The following NDUFB4 variants were observed in gnomAD, a reference collection of about 807,000 sequenced individuals.
The protein encoded by NDUFB4 is NADH dehydrogenase [ubiquinone] 1 beta subcomplex subunit 4.
NDUFB4 carries 10 observed loss-of-function variants against 14.5 expected under a neutral mutation model. The observed-to-expected ratio is 0.69, with a 90% CI of 0.43 to 1.17. The LOEUF (loss-of-function observed/expected upper bound fraction) is 1.17, where lower values mean the gene tolerates loss of function less well. NDUFB4 is among the 50% of genes most tolerant of loss of function. The pLI is 0.00. For synonymous variants in NDUFB4, 65 were observed against 63.4 expected (o/e 1.03, Z -0.12); for missense variants, 165 against 161.1 (o/e 1.02, Z -0.13).
chr3:120,596,381 C>A lies in NDUFB4; in HGVS notation c.22C>A (p.Pro8Thr), dbSNP rs540264937. 12 of 1,614,190 alleles carry A rather than the reference C, an allele frequency of 7.4e-6. No individual in the cohort carries two copies. The South Asian group carries it at 9.9e-5, about 13-fold the overall frequency. The part of the protein sequence containing the change: MSFPKYK[P>T]SSLRTLPETL... ...CAAGATGTCGTTCCCAAAGTATAAGCCGTCGAGCCTGCGCACTCTGCCTGA... is the reference window on the plus strand; with the variant it reads ...CAAGATGTCGTTCCCAAAGTATAAGACGTCGAGCCTGCGCACTCTGCCTGA... The change falls in exon 1 of 3, where the codon CCG (proline) becomes ACG (threonine). Residue 8 changes from proline to threonine, a missense_variant. Pro to Thr is a conservative substitution (Grantham distance 38). Coordinates refer to ENST00000184266, the MANE Select transcript of NDUFB4 (RefSeq NM_004547.6).
At chr3:120,601,503 T>C in intron 2 of NDUFB4, 2 of 1,369,816 alleles carry the variant, frequency 1.5e-6, no homozygotes, top group South Asian at 3.6e-5. Flanking sequence ...TTTATTGGGT[T>C]AAGTATTAGC....
Position 120,602,363 on chromosome 3 carries a change from C to A in NDUFB4, c.*93C>A. The A allele has an allele frequency of 2.4e-6, 3 of 1,250,238 alleles. No individual in the cohort carries two copies. The highest frequency in any genetic ancestry group is 2.3e-6 in the Non-Finnish European group (2 of 888,786). The allele number at this position is 1,250,238 out of a possible 1,614,324, so 77.4% of individuals were successfully genotyped here. ...TCTCTTTCTTAGTATTACCTTGATT[C>A]AATGTTAAAAACTATTAACACCCTA... On this transcript the variant is annotated 3_prime_UTR_variant, in exon 3 of 3. Coordinates refer to ENST00000184266, the MANE Select transcript of NDUFB4 (RefSeq NM_004547.6).
intron 1 of NDUFB4, among the ~76,000 whole-genome samples, chr3:120,599,721 CTG>C (rs1421625232): frequency 6.6e-6 from 1 of 152,046 alleles, no homozygotes; most frequent in Non-Finnish European, 1.5e-5. Context: ...AATGAAATGT[CTG>C]TTTCTGGAAG....
chr3:120,596,594 G>C, intron 1 of NDUFB4, 55 bp downstream of exon 1: 1 of 1,572,170 alleles, frequency 6.4e-7, no homozygotes, highest in Non-Finnish European at 8.7e-7. Flanking sequence ...GAGAGACCGA[G>C]AGAGACCACG....
At chr3:120,599,955 A>C (rs6438586) in intron 1 of NDUFB4, among the ~76,000 whole-genome samples, 20,562 of 151,612 alleles carry the variant, frequency 0.14, 2,385 homozygotes, top group African/African-American at 0.32. Context: ...GCTGCAGAAC[A>C]CTTGCATGTG....
intron 1 of NDUFB4, among the ~76,000 whole-genome samples, chr3:120,597,962 T>C (rs1487645874): frequency 6.6e-6 from 1 of 152,132 alleles, no homozygotes; most frequent in Admixed American, 6.6e-5. Context: ...TAAATAGAGG[T>C]AATACTACCA....
intron 1 of NDUFB4, among the ~76,000 whole-genome samples, chr3:120,599,008 A>T (rs1940013197): frequency 6.6e-6 from 1 of 152,166 alleles, no homozygotes; most frequent in African/African-American, 2.4e-5. Context: ...GTTGATTACC[A>T]GGGTGGTGGC....
At chr3:120,597,102 G>A (rs1019308094) in intron 1 of NDUFB4, among the ~76,000 whole-genome samples, 11 of 145,320 alleles carry the variant, frequency 7.6e-5, no homozygotes, top group Non-Finnish European at 1.5e-4. Flanking sequence ...AAGAGCTGGT[G>A]TTTACCTTTC....
At chr3:120,602,012 G>GTT (rs1176020985) in intron 2 of NDUFB4, 196 bp from the exon 3 acceptor site, 1 of 1,327,742 alleles carries the variant, frequency 7.5e-7, no homozygotes, top group Non-Finnish European at 9.6e-7. Flanking sequence ...TCGGATTACT[G>GTT]TTTCTTCGCA....
At position 120,601,241 on chromosome 3, in the gene NDUFB4, T is replaced by C; in HGVS notation, c.311T>C (p.Ile104Thr). ...GFGPLIFIYY[I>T]IKTERDRKEK... ...GGGCCCCTCATCTTCATTTATTATA[T>C]TATCAAAACTGAGAGGGTAAGTATT... Residue 104 changes from isoleucine (I) to threonine (T), a missense_variant, in exon 2 of 3, where the codon ATT becomes ACT. Transcript: ENST00000184266. The C allele has an allele frequency of 1.2e-6, 2 of 1,614,106 alleles. No individual in the cohort carries two copies. The highest frequency in any genetic ancestry group is 1.1e-5 in the South Asian group (1 of 91,052).
chr3:120,600,781 G>A (rs1282660108), intron 1 of NDUFB4, among the ~76,000 whole-genome samples: 1 of 152,216 alleles, frequency 6.6e-6, no homozygotes, highest in Non-Finnish European at 1.5e-5. Context: ...GAGAAGAATA[G>A]ATGAAAATGA....
Position 120,596,355 on chromosome 3 carries a change from C to G in NDUFB4, c.-5C>G. The G allele has an allele frequency of 6.2e-7, 1 of 1,613,984 alleles. No individual in the cohort carries two copies. The highest frequency in any genetic ancestry group is 1.3e-5 in the African/African-American group (1 of 75,062). The stretch of plus-strand genomic sequence containing the variant: ...GCAGGCGCAATTGTGCCCTGGTTCG[C>G]CAAGATGTCGTTCCCAAAGTATAAG... On this transcript the variant is annotated 5_prime_UTR_variant, in exon 1 of 3. Transcript: ENST00000184266.
rs1576270782 is a variant in NDUFB4, at chr3:120,596,385, C to T, written c.26C>T (p.Ser9Leu). MSFPKYKPSSLRTLPETLD... is the reference protein window; with the variant it reads MSFPKYKPLSLRTLPETLD... The stretch of plus-strand genomic sequence containing the variant: ...ATGTCGTTCCCAAAGTATAAGCCGT[C>T]GAGCCTGCGCACTCTGCCTGAGACC... The change falls in exon 1 of 3, where the codon TCG becomes TTG. Residue 9 changes from serine (S) to leucine (L), a missense_variant. Coordinates refer to ENST00000184266, the MANE Select transcript of NDUFB4 (RefSeq NM_004547.6). 1.9e-6 allele frequency: 3 copies of T among 1,614,168 alleles called. No homozygotes were observed. The East Asian group carries it at 6.7e-5, about 36-fold the overall frequency.
At chr3:120,599,519 G>C (rs984017986) in intron 1 of NDUFB4, among the ~76,000 whole-genome samples, 11 of 152,106 alleles carry the variant, frequency 7.2e-5, no homozygotes, top group Non-Finnish European at 1.3e-4. Flanking sequence ...ATCCAAGCAG[G>C]TGTGGGCCTG....
rs780399215 is a variant in NDUFB4, at chr3:120,602,217, GA to G, written c.342del (p.Lys114AsnfsTer36). On this transcript the variant is annotated frameshift_variant, in exon 3 of 3. Transcript: ENST00000184266. LOFTEE classifies it high-confidence loss of function. Reference sequence around the variant, plus strand: ...TTTTCTGTCTTTACAGGATAGGAAAGAAAAACTTATCCAGGAAGGAAAATTG... The same window carrying G: ...TTTTCTGTCTTTACAGGATAGGAAAGAAAACTTATCCAGGAAGGAAAATTG... ...YIIKTERDRK[E>X]KLIQEGKLDR... 1 of 1,611,036 alleles carries G rather than the reference GA, an allele frequency of 6.2e-7. No homozygotes were observed. The highest frequency in any genetic ancestry group is 2.2e-5 in the East Asian group (1 of 44,816).
chr3:120,596,792 C>T (rs1310812520), intron 1 of NDUFB4: 3 of 523,524 alleles, frequency 5.7e-6, no homozygotes, highest in Non-Finnish European at 6.9e-6. Flanking sequence ...GAACGTTATT[C>T]ACTCTGCTTA....
Position 120,602,379 on chromosome 3 carries a change from T to G in NDUFB4, c.*109T>G. 1 of 1,050,656 alleles carries G rather than the reference T, an allele frequency of 9.5e-7. No homozygotes were observed. Among genetic ancestry groups the G allele is most frequent in the Non-Finnish European group, 1.4e-6 (1 of 719,556 alleles). 65.1% of individuals were successfully genotyped at this position (1,050,656 alleles called of 1,614,324 possible). ...ACCTTGATTCAATGTTAAAAACTAT[T>G]AACACCCTAACAACACAGAAGCAGA... On this transcript the variant is annotated 3_prime_UTR_variant, in exon 3 of 3. Coordinates refer to ENST00000184266, the MANE Select transcript of NDUFB4 (RefSeq NM_004547.6).
chr3:120,597,123 T>C (rs1939976681), intron 1 of NDUFB4, among the ~76,000 whole-genome samples: 2 of 150,424 alleles, frequency 1.3e-5, no homozygotes, highest in Admixed American at 1.3e-4. Context: ...AGTTCACAGC[T>C]CATAGGGATA....
chr3:120,597,726 A>G (rs1939989592), intron 1 of NDUFB4, among the ~76,000 whole-genome samples: 1 of 152,220 alleles, frequency 6.6e-6, no homozygotes, highest in African/African-American at 2.4e-5. Context: ...TGTGTAACCC[A>G]CAGCATCTGC....
Sources: allele counts gnomAD v4.1 joint callset (sites outside exome capture counted in the v4.1 genomes callset), GRCh38; gene constraint gnomAD v4.1.1; transcripts MANE v1.5; gene names NCBI Gene and HGNC (gene_info 2026-07-23, HGNC 2026-07-21).